PCID2: variants seen among roughly 807,000 people sequenced by gnomAD.
The protein encoded by PCID2 is PCI domain containing 2.
A neutral mutation model predicts 61.3 loss-of-function variants in PCID2; 41 were observed. That is an observed-to-expected ratio of 0.67 (90% confidence interval 0.52 to 0.87). The LOEUF is 0.87. Ranked by LOEUF, PCID2 falls within the 40% of genes least tolerant of loss-of-function variation. PCID2 has a pLI of 0.00. For synonymous variants in PCID2, 187 were observed against 177.8 expected, an observed-to-expected ratio of 1.05 and a Z score of -0.41; for missense variants, 392 against 493.4, an observed-to-expected ratio of 0.79 and a Z score of 1.95.
chr13:113,208,518 T>G, intron 1 of PCID2, 81 bp downstream of exon 1: 1 of 1,562,218 alleles, frequency 6.4e-7, no homozygotes, highest in South Asian at 1.2e-5. Context: ...GGAAAAGGCC[T>G]GAGGGTCCAA....
Position 113,178,176 on chromosome 13 carries a change from G to T in PCID2, c.*22C>A. The T allele has an allele frequency of 6.3e-7, 1 of 1,584,380 alleles. No homozygotes were observed. Among genetic ancestry groups the T allele is most frequent in the Non-Finnish European group, 8.7e-7 (1 of 1,153,494 alleles). On this transcript the variant is annotated 3_prime_UTR_variant, in exon 14 of 14. Transcript: ENST00000337344. ...AGTGGAAAGAAACAACTGCTCACCC[G>T]TCCTCGGGGCTCCGTGTACTTTCAA...
chr13:113,204,293 G>A (rs1162604816), intron 1 of PCID2, among the ~76,000 whole-genome samples: 1 of 152,252 alleles, frequency 6.6e-6, no homozygotes, highest in Non-Finnish European at 1.5e-5. Context: ...AGAGCTCTCT[G>A]CAGAAGGAAC....
intron 1 of PCID2, among the ~76,000 whole-genome samples, chr13:113,205,679 CAT>C (rs968928179): frequency 7.2e-5 from 11 of 152,212 alleles, no homozygotes; most frequent in East Asian, 3.8e-4. Flanking sequence ...CACACTGACA[CAT>C]GTTCCAACAC....
chr13:113,198,107 A>G, intron 3 of PCID2, 84 bp downstream of exon 3: 1 of 911,934 alleles, frequency 1.1e-6, no homozygotes, highest in South Asian at 1.5e-5. Context: ...CACTGCTTCA[A>G]GCACAAGATA....
intron 7 of PCID2, among the ~76,000 whole-genome samples, chr13:113,190,300 T>C (rs1394389550): frequency 1.5e-5 from 2 of 132,190 alleles, no homozygotes; most frequent in East Asian, 2.3e-4. Context: ...AAAGAGAAAA[T>C]CATAGCCAGA....
rs934924143 is a variant in PCID2 at position 113,179,512 on chromosome 13, G to A, written c.986+405C>T. ...CTGCTGGGACGAGGCCTCAGAAGACGTGTGAGGAAAGGAATGACGATCTCT... is the reference window on the plus strand; with the variant it reads ...CTGCTGGGACGAGGCCTCAGAAGACATGTGAGGAAAGGAATGACGATCTCT... On this transcript the variant is annotated intron_variant, in intron 12 of 13. Coordinates refer to ENST00000337344, the MANE Select transcript of PCID2 (RefSeq NM_001127202.4). This position sits in a 1 kb window ranked among gnomAD's most constrained non-coding sequence, Gnocchi z 4.3. Among the ~76,000 whole-genome samples, 1 of 151,292 alleles carries A rather than the reference G, an allele frequency of 6.6e-6. No individual in the cohort carries two copies. Among genetic ancestry groups the A allele is most frequent in the African/African-American group, 2.4e-5 (1 of 41,110 alleles).
At chr13:113,172,169 A>T in the PCID2 span, 1 of 1,585,248 alleles carries the variant, frequency 6.3e-7, no homozygotes, top group African/African-American at 1.3e-5. Flanking sequence ...TGGCACTGCC[A>T]CTGTGGAGGG....
At chr13:113,191,029 G>T in intron 6 of PCID2, 54 bp from the exon 7 acceptor site, 1 of 1,361,944 alleles carries the variant, frequency 7.3e-7, no homozygotes, top group Non-Finnish European at 1.0e-6. Context: ...ATCTTGCTGT[G>T]TCGTCCAGGC....
chr13:113,193,519 G>A (rs150040639), intron 6 of PCID2, among the ~76,000 whole-genome samples: 3 of 152,286 alleles, frequency 2.0e-5, no homozygotes, highest in Non-Finnish European at 4.4e-5. Context: ...CAAAAGTGAT[G>A]TGACACTACT....
At chr13:113,174,557 C>G (rs1036892460), downstream of PCID2, among the ~76,000 whole-genome samples, 1 of 152,178 alleles carries the variant, frequency 6.6e-6, no homozygotes, top group Non-Finnish European at 1.5e-5. Context: ...GTGCAGGGCA[C>G]GATCCTAGCT....
At chr13:113,194,763 A>G (rs1305660356) in intron 6 of PCID2, among the ~76,000 whole-genome samples, 1 of 152,176 alleles carries the variant, frequency 6.6e-6, no homozygotes, top group East Asian at 1.9e-4. Flanking sequence ...GGTAGAAGAG[A>G]TGCAGAATAA....
chr13:113,196,371 G>A, intron 4 of PCID2, 149 bp from the exon 5 acceptor site: 1 of 571,068 alleles, frequency 1.8e-6, no homozygotes, highest in East Asian at 2.6e-5. Flanking sequence ...AGGAAAAAAG[G>A]TATAAGCTCA....
chr13:113,208,456 G>T (rs966092469), intron 1 of PCID2, 143 bp downstream of exon 1: 12 of 1,523,562 alleles, frequency 7.9e-6, no homozygotes, highest in Non-Finnish European at 1.1e-5. Flanking sequence ...TGTTCGGCTC[G>T]CGCGGCTGCC....
downstream of PCID2, among the ~76,000 whole-genome samples, chr13:113,176,538 A>AGGCCGAGGCGGGGGG (rs2037190741): frequency 1.2e-4 from 6 of 50,748 alleles, 2 homozygotes; most frequent in Admixed American, 3.6e-4. Context: ...GAGGTGGGGG[A>AGGCCGAGGCGGGGGG]ATTGCTTTAG....
downstream of PCID2, among the ~76,000 whole-genome samples, chr13:113,177,009 G>A (rs1026594272): frequency 6.6e-6 from 1 of 152,242 alleles, no homozygotes; most frequent in East Asian, 1.9e-4. Context: ...CTTAGCGACT[G>A]TCAACCTCGC....
chr13:113,180,335 A>T (rs1310190278), intron 10 of PCID2, 104 bp from the exon 11 acceptor site: 2 of 835,822 alleles, frequency 2.4e-6, no homozygotes, highest in Non-Finnish European at 4.0e-6. Context: ...TTGCAACCTG[A>T]GTTTCTTAGA....
At chr13:113,204,944 G>T (rs1376510488) in intron 1 of PCID2, among the ~76,000 whole-genome samples, 1 of 152,124 alleles carries the variant, frequency 6.6e-6, no homozygotes, top group Non-Finnish European at 1.5e-5. Context: ...CCCAGGCCTG[G>T]CTCACCAGGG....
chr13:113,198,703 T>C (rs369084916), intron 2 of PCID2, among the ~76,000 whole-genome samples: 14 of 149,578 alleles, frequency 9.4e-5, no homozygotes, highest in African/African-American at 3.6e-4. Context: ...AGACTCTGTC[T>C]CATAAATAAA....
chr13:113,180,966 T>G (rs181700314), intron 10 of PCID2, among the ~76,000 whole-genome samples, 164 bp downstream of exon 10: 1 of 152,320 alleles, frequency 6.6e-6, no homozygotes, highest in East Asian at 1.9e-4. Context: ...AGCTCTGGGT[T>G]TGGGCCACAC....
Sources: allele counts gnomAD v4.1 joint callset (sites outside exome capture counted in the v4.1 genomes callset), GRCh38; gene constraint gnomAD v4.1.1; non-coding constraint Gnocchi (gnomAD v3.1); transcripts MANE v1.5; gene names NCBI Gene and HGNC (gene_info 2026-07-23, HGNC 2026-07-21).